The following ROBO3 variants were observed in gnomAD, a reference collection of about 807,000 sequenced individuals.
ROBO3 encodes the protein roundabout guidance receptor 3, also known as roundabout homolog 3.
A neutral mutation model predicts 160.5 loss-of-function variants in ROBO3; 97 were observed. The observed-to-expected ratio is 0.60, with a 90% CI of 0.51 to 0.72. The LOEUF (loss-of-function observed/expected upper bound fraction) is 0.72, where lower values mean the gene tolerates loss of function less well. ROBO3 is among the 30% of genes least tolerant of loss of function. ROBO3 has a pLI of 0.00. For synonymous variants in ROBO3, 780 were observed against 746.2 expected (o/e 1.05, Z -0.74); for missense variants, 1,858 against 1,846.5 (o/e 1.01, Z -0.11).
chr11:124,866,640 G>A lies in ROBO3; in HGVS notation c.160+903G>A, dbSNP rs79902475. ...CAATATGTGTGTGTTCATGTGTGGGGCACATCAGGTGCTGAGGGAGGAGCC... is the reference window on the plus strand; with the variant it reads ...CAATATGTGTGTGTTCATGTGTGGGACACATCAGGTGCTGAGGGAGGAGCC... On this transcript the variant is annotated intron_variant, in intron 1 of 27. Transcript: ENST00000397801. Among the ~76,000 whole-genome samples, 918 of 152,346 alleles carry A rather than the reference G, an allele frequency of 6.0e-3. 12 individuals are homozygous for A. Among genetic ancestry groups the A allele is most frequent in the African/African-American group, 0.021 (880 of 41,580 alleles).
At chr11:124,879,640 G>T (rs988473380) in intron 25 of ROBO3, 65 bp downstream of exon 25, 2 of 1,531,456 alleles carry the variant, frequency 1.3e-6, no homozygotes, top group African/African-American at 1.4e-5. Context: ...GAAACCAAGG[G>T]TGCACTCTGG....
rs771219610 is a variant in ROBO3 at position 124,879,792 on chromosome 11, C to T, written c.3802C>T (p.Pro1268Ser). 42 of 1,613,492 alleles carry T rather than the reference C, an allele frequency of 2.6e-5. 1 individual carries two copies. In the South Asian group the frequency reaches 4.4e-4, roughly 17 times the overall value. The part of the protein sequence containing the change: ...YRRENSPGDL[P>S]PPPLPPPEEE... ...GAAAACAGCTCCCTCCCCAGACTTGCCCCCACCACCCTTGCCACCGCCAGA... is the reference window on the plus strand; with the variant it reads ...GAAAACAGCTCCCTCCCCAGACTTGTCCCCACCACCCTTGCCACCGCCAGA... Residue 1268 changes from proline to serine, a missense_variant, in exon 26 of 28, where the codon CCC becomes TCC. Physicochemically the swap from Pro to Ser is moderately conservative, Grantham distance 74. Transcript: ENST00000397801.
intron 7 of ROBO3, among the ~76,000 whole-genome samples, chr11:124,871,685 A>G (rs1413719969): frequency 1.3e-5 from 2 of 152,208 alleles, no homozygotes; most frequent in Non-Finnish European, 2.9e-5. Context: ...CTCTCTCTAA[A>G]GGAAGGGTAG....
At position 124,869,897 on chromosome 11, in the gene ROBO3, T is replaced by C; in HGVS notation, c.646-51T>C. On this transcript the variant is annotated intron_variant, in intron 3 of 27. Coordinates refer to ENST00000397801, the MANE Select transcript of ROBO3 (RefSeq NM_022370.4). The surrounding 1 kb of genome is among the most constrained non-coding windows in gnomAD (Gnocchi z 4.2). ...TATACACATATATTCACCATATATA[T>C]ATACGCTGTGATAGCTGAAATGGAC... is the stretch of plus-strand genomic sequence containing the variant. The C allele has an allele frequency of 6.4e-7, 1 of 1,551,942 alleles. No individual in the cohort carries two copies. Among genetic ancestry groups the C allele is most frequent in the Non-Finnish European group, 8.7e-7 (1 of 1,146,416 alleles).
Position 124,872,694 on chromosome 11 carries a change from C to T in ROBO3, c.1330+142C>T. 9.7e-7 allele frequency: 1 copy of T among 1,033,772 alleles called. No individual in the cohort carries two copies. Among genetic ancestry groups the T allele is most frequent in the Non-Finnish European group, 1.4e-6 (1 of 728,802 alleles). 64.0% of individuals were successfully genotyped at this position (1,033,772 alleles called of 1,614,324 possible). A position where few individuals can be genotyped will look rare whatever the true frequency, so the allele number is the denominator to read the frequency against. The stretch of plus-strand genomic sequence containing the variant: ...GAGGCATGACCTTGAAGTTTGGAAA[C>T]CAGCAGCAGAAGCCACTAATAATGG... On this transcript the variant is annotated intron_variant, in intron 8 of 27. Coordinates refer to ENST00000397801, the MANE Select transcript of ROBO3 (RefSeq NM_022370.4). This position sits in a 1 kb window ranked among gnomAD's most constrained non-coding sequence, Gnocchi z 4.3.
At chr11:124,880,983 G>T (rs2135352435) in intron 27 of ROBO3, among the ~76,000 whole-genome samples, 1 of 152,284 alleles carries the variant, frequency 6.6e-6, no homozygotes, top group South Asian at 2.1e-4. Flanking sequence ...GAGCCTGGGA[G>T]GTCAAGGCTG....
chr11:124,871,243 TG>T, intron 7 of ROBO3, 105 bp downstream of exon 7: 1 of 1,365,942 alleles, frequency 7.3e-7, no homozygotes, highest in Non-Finnish European at 9.7e-7. Flanking sequence ...GTTTTATCTT[TG>T]GGAGCCCCCA....
In ROBO3 at chr11:124,879,889, G is replaced by A; in HGVS notation, c.3899G>A (p.Gly1300Glu). The change falls in exon 26 of 28, where the codon GGG (glycine) becomes GAG (glutamate). Residue 1300 changes from glycine (G) to glutamate (E), a missense_variant. By Grantham distance (98) the Gly-to-Glu change is moderately conservative (BLOSUM62 -2). Transcript: ENST00000397801. ...SMSSLERERS[G>E]ERKAVQAVPL... ...TCCTCCCTGGAGCGGGAGCGCAGTG[G>A]GGAGAGGAAAGCGGTCCAGGCCGTG... 2.5e-6 allele frequency: 4 copies of A among 1,611,666 alleles called. No homozygotes were observed. Among genetic ancestry groups the A allele is most frequent in the Non-Finnish European group, 3.4e-6 (4 of 1,179,242 alleles).
chr11:124,875,704 G>A lies in ROBO3; in HGVS notation c.2421+19G>A, dbSNP rs1485086270. 2 of 1,590,302 alleles carry A rather than the reference G, an allele frequency of 1.3e-6. No individual in the cohort carries two copies. The highest frequency in any genetic ancestry group is 2.7e-5 in the African/African-American group (2 of 73,854). On this transcript the variant is annotated intron_variant, in intron 15 of 27. Coordinates refer to ENST00000397801, the MANE Select transcript of ROBO3 (RefSeq NM_022370.4). ...ATACCAGGTAGAGGGATTGAGGAGG[G>A]ACTGGATGGGAGGGCCAGGCCGGGA...
At position 124,872,828 on chromosome 11, in the gene ROBO3, C is replaced by G. The variant is rs2135329365; in HGVS notation, c.1331-56C>G. On this transcript the variant is annotated intron_variant, in intron 8 of 27. Transcript: ENST00000397801. The surrounding 1 kb of genome is among the most constrained non-coding windows in gnomAD (Gnocchi z 4.3). ...AGGAGCAGAGAATGAGGACAAGGGGCTGCCCGCGGGGCCCTAAGCTCCTCC... is the reference window on the plus strand; with the variant it reads ...AGGAGCAGAGAATGAGGACAAGGGGGTGCCCGCGGGGCCCTAAGCTCCTCC... 1 of 1,409,738 alleles carries G rather than the reference C, an allele frequency of 7.1e-7. No homozygotes were observed. The highest frequency in any genetic ancestry group is 9.5e-7 in the Non-Finnish European group (1 of 1,050,170). The allele number at this position is 1,409,738 out of a possible 1,614,324, so 87.3% of individuals were successfully genotyped here.
At chr11:124,880,186 G>A (rs991489131) in intron 26 of ROBO3, among the ~76,000 whole-genome samples, 2 of 152,324 alleles carry the variant, frequency 1.3e-5, no homozygotes, top group East Asian at 1.9e-4. Context: ...CTCTGTCCCC[G>A]CTCCCCACAA....
In ROBO3 at chr11:124,881,419, C is replaced by A; in HGVS notation, c.*169C>A. 1 of 647,580 alleles carries A rather than the reference C, an allele frequency of 1.5e-6. No homozygotes were observed. The highest frequency in any genetic ancestry group is 2.0e-5 in the South Asian group (1 of 50,328). 40.1% of individuals were successfully genotyped at this position (647,580 alleles called of 1,614,324 possible). Reference sequence around the variant, plus strand: ...CTCCTCCCTTTCTTTCTTTTTCCACCTGAGACTTGTTTATAAAAAACAAAA... The same window carrying A: ...CTCCTCCCTTTCTTTCTTTTTCCACATGAGACTTGTTTATAAAAAACAAAA... On this transcript the variant is annotated 3_prime_UTR_variant, in exon 28 of 28. Coordinates refer to ENST00000397801, the MANE Select transcript of ROBO3 (RefSeq NM_022370.4).
intron 1 of ROBO3, among the ~76,000 whole-genome samples, chr11:124,868,144 G>A (rs1946226727): frequency 6.6e-6 from 1 of 152,180 alleles, no homozygotes; most frequent in Admixed American, 6.5e-5. Context: ...ACTGCTATTT[G>A]CGTTCAATTC....
At position 124,870,535 on chromosome 11, in the gene ROBO3, G is replaced by C. The variant is rs1047524591; in HGVS notation, c.906-66G>C. ...TTTAAGTACCTTGACCCTGGTGTCTGTCCTGGGGGAGAGAGAAAGGGTCTG... is the reference window on the plus strand; with the variant it reads ...TTTAAGTACCTTGACCCTGGTGTCTCTCCTGGGGGAGAGAGAAAGGGTCTG... On this transcript the variant is annotated intron_variant, in intron 5 of 27. Transcript: ENST00000397801. The C allele has an allele frequency of 3.7e-6, 6 of 1,607,666 alleles. No individual in the cohort carries two copies. The African/African-American group carries it at 8.0e-5, about 21-fold the overall frequency.
Position 124,872,010 on chromosome 11 carries a change from G to A in ROBO3, c.1159-371G>A, listed in dbSNP as rs934693804. Among the ~76,000 whole-genome samples, 14 of 152,172 alleles carry A rather than the reference G, an allele frequency of 9.2e-5. No individual in the cohort carries two copies. Among genetic ancestry groups the A allele is most frequent in the Admixed American group, 7.9e-4 (12 of 15,278 alleles). On this transcript the variant is annotated intron_variant, in intron 7 of 27. Coordinates refer to ENST00000397801, the MANE Select transcript of ROBO3 (RefSeq NM_022370.4). The surrounding 1 kb of genome is among the most constrained non-coding windows in gnomAD (Gnocchi z 4.3). ...CTATGGAATGAAAACTGTTCAAGCA[G>A]GAAGAAGAGGAATGTGTTTACCACA... is the stretch of plus-strand genomic sequence containing the variant.
In ROBO3 at chr11:124,874,922, TG is replaced by T. The variant is rs1946331399; in HGVS notation, c.2073+17del. The T allele has an allele frequency of 6.2e-7, 1 of 1,601,646 alleles. No individual in the cohort carries two copies. The highest frequency in any genetic ancestry group is 1.3e-5 in the African/African-American group (1 of 74,726). On this transcript the variant is annotated intron_variant, in intron 13 of 27. Transcript: ENST00000397801. ...GGTGTCCTGGACTGTGAGTGTGGTA[TG>T]GGGAGGAGATTCAGGGTGGGGATGA...
chr11:124,873,194 T>A lies in ROBO3; in HGVS notation c.1536+105T>A. 7.1e-7 allele frequency: 1 copy of A among 1,416,794 alleles called. No homozygotes were observed. 87.8% of individuals were successfully genotyped at this position (1,416,794 alleles called of 1,614,324 possible). A position where few individuals can be genotyped will look rare whatever the true frequency, so the allele number is the denominator to read the frequency against. ...GCCTGTAGCCCCATCTTTACCCCTCTGTTCTCTCAGAGCACCTAGTATCCA... is the reference window on the plus strand; with the variant it reads ...GCCTGTAGCCCCATCTTTACCCCTCAGTTCTCTCAGAGCACCTAGTATCCA... On this transcript the variant is annotated intron_variant, in intron 9 of 27. Transcript: ENST00000397801. The surrounding 1 kb of genome is among the most constrained non-coding windows in gnomAD (Gnocchi z 4.5).
Position 124,869,317 on chromosome 11 carries a change from G to C in ROBO3, c.488-133G>C. The C allele has an allele frequency of 9.0e-7, 1 of 1,114,162 alleles. No individual in the cohort carries two copies. The highest frequency in any genetic ancestry group is 2.0e-5 in the Admixed American group (1 of 50,458). 69.0% of individuals were successfully genotyped at this position (1,114,162 alleles called of 1,614,324 possible). On this transcript the variant is annotated intron_variant, in intron 2 of 27. Coordinates refer to ENST00000397801, the MANE Select transcript of ROBO3 (RefSeq NM_022370.4). This position sits in a 1 kb window ranked among gnomAD's most constrained non-coding sequence, Gnocchi z 4.2. ...AAGGAAGTGGATCTGACTCCAGGCTGATATTTTCTCACCTGGGAACGAATT... is the reference window on the plus strand; with the variant it reads ...AAGGAAGTGGATCTGACTCCAGGCTCATATTTTCTCACCTGGGAACGAATT...
intron 20 of ROBO3, 26 bp from the exon 21 acceptor site, chr11:124,877,911 C>T (rs773020603): frequency 6.0e-6 from 9 of 1,503,978 alleles, no homozygotes; most frequent in South Asian, 2.3e-5. Flanking sequence ...TCTCTGCTTC[C>T]GGGCCTCCCT....
Sources: gnomAD v4.1 joint callset for allele counts (sites outside exome capture counted in the v4.1 genomes callset) on GRCh38, gnomAD v4.1.1 for gene constraint, Gnocchi (gnomAD v3.1) non-coding constraint, MANE v1.5 for transcripts, NCBI Gene and HGNC (gene_info 2026-07-23, HGNC 2026-07-21) for gene names.